FRMD3: variants seen among roughly 807,000 people sequenced by gnomAD.
FRMD3 encodes the protein FERM domain containing 3.
Under a neutral mutation model 70.2 loss-of-function variants are expected in FRMD3, and 33 were observed. The observed-to-expected ratio is 0.47, with a 90% confidence interval of 0.36 to 0.63. The LOEUF (loss-of-function observed/expected upper bound fraction) is 0.63, where lower values mean the gene tolerates loss of function less well. Ranked by LOEUF, FRMD3 falls within the 20% of genes least tolerant of loss-of-function variation. FRMD3 has a pLI of 0.00. For missense variants in FRMD3, 632 were observed against 711.4 expected, an observed-to-expected ratio of 0.89 and a Z score of 1.27; for synonymous variants, 279 against 255.9, an observed-to-expected ratio of 1.09 and a Z score of -0.86.
chr9:83,439,008 T>C (rs1281825169), intron 1 of FRMD3, among the ~76,000 whole-genome samples: 4 of 152,176 alleles, frequency 2.6e-5, no homozygotes. Context: ...TGCACCTCCA[T>C]ACCCATGTGA....
chr9:83,365,347 T>C (rs1824752819), intron 3 of FRMD3, among the ~76,000 whole-genome samples: 1 of 152,220 alleles, frequency 6.6e-6, no homozygotes, highest in Non-Finnish European at 1.5e-5. Flanking sequence ...ATTTCACATT[T>C]TCGTCCTACT....
At chr9:83,436,160 C>G (rs568579279) in intron 1 of FRMD3, among the ~76,000 whole-genome samples, 1 of 152,120 alleles carries the variant, frequency 6.6e-6, no homozygotes, top group African/African-American at 2.4e-5. Context: ...CAATCCCTCT[C>G]CTGAGATTCT....
chr9:83,264,937 GTTA>G (rs1345645361), intron 13 of FRMD3, among the ~76,000 whole-genome samples: 5 of 151,974 alleles, frequency 3.3e-5, no homozygotes, highest in African/African-American at 1.2e-4. Flanking sequence ...GTCATAAGCA[GTTA>G]TTATCAGCAA....
At chr9:83,379,627 T>C (rs970213302) in intron 2 of FRMD3, among the ~76,000 whole-genome samples, 5 of 152,140 alleles carry the variant, frequency 3.3e-5, no homozygotes, top group Admixed American at 3.3e-4. Flanking sequence ...CTTAGTATGA[T>C]TTGAAGGTAC....
intron 6 of FRMD3, among the ~76,000 whole-genome samples, chr9:83,320,720 T>C (rs1835767666): frequency 6.6e-6 from 1 of 152,168 alleles, no homozygotes; most frequent in African/African-American, 2.4e-5. Context: ...TCATCTTCTA[T>C]TTTTTAGAAC....
chr9:83,349,783 G>A (rs762388393), intron 3 of FRMD3, 26 bp from the exon 4 acceptor site: 2 of 1,559,326 alleles, frequency 1.3e-6, no homozygotes, highest in Admixed American at 3.4e-5. Flanking sequence ...GAAAAGGCAT[G>A]AGAAAAGCAG....
chr9:83,500,757 C>G (rs1829050993), intron 1 of FRMD3, among the ~76,000 whole-genome samples: 1 of 152,168 alleles, frequency 6.6e-6, no homozygotes, highest in Admixed American at 6.5e-5. Context: ...TGGACTCTAA[C>G]AAGATGCAAA....
At chr9:83,340,273 C>T (rs1282711721) in intron 5 of FRMD3, among the ~76,000 whole-genome samples, 2 of 152,310 alleles carry the variant, frequency 1.3e-5, no homozygotes, top group South Asian at 2.1e-4. Flanking sequence ...TAGTGGAGAA[C>T]CTGCTGTGTG....
At chr9:83,507,917 A>G (rs1387855951) in intron 1 of FRMD3, among the ~76,000 whole-genome samples, 9 of 151,694 alleles carry the variant, frequency 5.9e-5, no homozygotes, top group African/African-American at 1.9e-4. Context: ...ATCAAGTACT[A>G]CGTACTGTAC....
intron 13 of FRMD3, among the ~76,000 whole-genome samples, chr9:83,288,285 C>T (rs1424346284): frequency 1.3e-5 from 2 of 152,164 alleles, no homozygotes; most frequent in African/African-American, 4.8e-5. Context: ...GGCCATGGAG[C>T]AGAATTTGAC....
intron 1 of FRMD3, among the ~76,000 whole-genome samples, chr9:83,450,739 G>C (rs1827629768): frequency 6.6e-6 from 1 of 152,100 alleles, no homozygotes; most frequent in African/African-American, 2.4e-5. Context: ...ACAAAGGCTG[G>C]GCAGGGAAAA....
chr9:83,449,681 G>T (rs1037907560), intron 1 of FRMD3, among the ~76,000 whole-genome samples: 2 of 152,162 alleles, frequency 1.3e-5, no homozygotes, highest in Non-Finnish European at 2.9e-5. Flanking sequence ...CTTTGCCAGA[G>T]GTGAAAACAG....
intron 13 of FRMD3, among the ~76,000 whole-genome samples, chr9:83,259,872 G>A (rs955043836): frequency 6.6e-6 from 1 of 152,010 alleles, no homozygotes; most frequent in Admixed American, 6.6e-5. Context: ...TTGAATTCAG[G>A]GTAAAAAGGA....
In FRMD3 at chr9:83,436,988, A is replaced by G. The variant is rs1470693109; in HGVS notation, c.148-47280T>C. Among the ~76,000 whole-genome samples the G allele has an allele frequency of 3.9e-5, 6 of 152,244 alleles. No individual in the cohort carries two copies. The East Asian group carries it at 1.2e-3, about 29-fold the overall frequency. ...TAAACATCAGCCAAGACAACAGAAA[A>G]CTGTTCAGATGTTGACCACAGCAAC... On this transcript the variant is annotated intron_variant, in intron 1 of 13. Transcript: ENST00000304195.
At chr9:83,439,233 G>A (rs1361023568) in intron 1 of FRMD3, among the ~76,000 whole-genome samples, 1 of 152,232 alleles carries the variant, frequency 6.6e-6, no homozygotes, top group Non-Finnish European at 1.5e-5. Flanking sequence ...TAAATGGATA[G>A]GGTCCATACA....
intron 1 of FRMD3, among the ~76,000 whole-genome samples, chr9:83,417,475 C>T (rs984002337): frequency 2.0e-4 from 30 of 152,182 alleles, no homozygotes; most frequent in African/African-American, 6.5e-4. Flanking sequence ...TGACTCATAG[C>T]TTGAAAATTA....
chr9:83,348,259 T>G (rs1824029696), intron 4 of FRMD3, among the ~76,000 whole-genome samples: 1 of 152,132 alleles, frequency 6.6e-6, no homozygotes, highest in African/African-American at 2.4e-5. Context: ...TCTCTCTCTC[T>G]CTCTTTTTGG....
intron 1 of FRMD3, among the ~76,000 whole-genome samples, chr9:83,420,680 T>C (rs551717821): frequency 4.6e-5 from 7 of 152,270 alleles, no homozygotes; most frequent in Non-Finnish European, 7.3e-5. Context: ...GTGGAAGATG[T>C]TTGAGTCATG....
intron 1 of FRMD3, among the ~76,000 whole-genome samples, chr9:83,490,420 T>C (rs542804422): frequency 6.6e-6 from 1 of 151,998 alleles, no homozygotes; most frequent in Non-Finnish European, 1.5e-5. Flanking sequence ...TCCTGAGTAG[T>C]TGGGATTACA....
Sources: gnomAD v4.1 joint callset for allele counts (sites outside exome capture counted in the v4.1 genomes callset) on GRCh38, gnomAD v4.1.1 for gene constraint, MANE v1.5 for transcripts, NCBI Gene and HGNC (gene_info 2026-07-23, HGNC 2026-07-21) for gene names.